Variants in GDAP1 observed in about 807,000 individuals in gnomAD.
GDAP1 encodes the protein ganglioside induced differentiation associated protein 1.
A neutral mutation model predicts 40.1 loss-of-function variants in GDAP1; 34 were observed. The observed-to-expected ratio is 0.85, with a 90% CI of 0.64 to 1.13. The LOEUF (loss-of-function observed/expected upper bound fraction) is 1.13, where lower values mean the gene tolerates loss of function less well. GDAP1 is among the 50% of genes most tolerant of loss of function. The pLI is 0.00. For synonymous variants in GDAP1, 170 were observed against 157.4 expected, an observed-to-expected ratio of 1.08 and a Z score of -0.60; for missense variants, 374 against 433.7, an observed-to-expected ratio of 0.86 and a Z score of 1.22.
At chr8:74,376,493 C>G (rs934527538) in intron 2 of GDAP1, among the ~76,000 whole-genome samples, 1 of 151,892 alleles carries the variant, frequency 6.6e-6, no homozygotes, top group Non-Finnish European at 1.5e-5. Flanking sequence ...GGACTACGGG[C>G]GCCCGCCACC....
chr8:74,405,863 G>A (rs867630435), intron 2 of GDAP1, among the ~76,000 whole-genome samples: 16 of 149,796 alleles, frequency 1.1e-4, no homozygotes, highest in Middle Eastern at 3.4e-3. Flanking sequence ...AGCATTGGAG[G>A]CCAGTCATTA....
chr8:74,373,280 C>T (rs1809787429), intron 2 of GDAP1, among the ~76,000 whole-genome samples: 1 of 152,128 alleles, frequency 6.6e-6, no homozygotes. Context: ...GTAGTTTTTT[C>T]CAATTCTGTG....
At chr8:74,478,846 G>A (rs1315808685) in intron 2 of GDAP1, among the ~76,000 whole-genome samples, 1 of 152,154 alleles carries the variant, frequency 6.6e-6, no homozygotes, top group Admixed American at 6.5e-5. Flanking sequence ...TATGGTGAGA[G>A]CGGTTGCTCT....
intron 2 of GDAP1, among the ~76,000 whole-genome samples, chr8:74,378,408 C>CCA (rs1267712979): frequency 6.6e-6 from 1 of 152,116 alleles, no homozygotes; most frequent in East Asian, 1.9e-4. Context: ...CCAGCCAGTC[C>CCA]CACACACAAG....
At chr8:74,457,635 C>T (rs961501935) in intron 2 of GDAP1, among the ~76,000 whole-genome samples, 3 of 152,058 alleles carry the variant, frequency 2.0e-5, no homozygotes, top group African/African-American at 7.2e-5. Context: ...TAATATTCTG[C>T]TTGTTCAACA....
At chr8:74,434,591 A>G (rs1806066545) in intron 2 of GDAP1, among the ~76,000 whole-genome samples, 1 of 152,188 alleles carries the variant, frequency 6.6e-6, no homozygotes, top group Non-Finnish European at 1.5e-5. Flanking sequence ...ATGAGTTCTC[A>G]TTCTACTTAG....
intron 2 of GDAP1, among the ~76,000 whole-genome samples, chr8:74,438,631 A>T (rs1350922492): frequency 6.6e-6 from 1 of 152,112 alleles, no homozygotes. Context: ...TAGAGATGGG[A>T]TCTCTGTCAC....
intron 2 of GDAP1, among the ~76,000 whole-genome samples, chr8:74,428,900 T>G (rs1805990340): frequency 7.8e-6 from 1 of 128,858 alleles, no homozygotes. Flanking sequence ...GTGTGTGATG[T>G]TCCCCTTCCT....
chr8:74,443,102 A>G (rs1480042086), intron 2 of GDAP1, among the ~76,000 whole-genome samples: 2 of 152,174 alleles, frequency 1.3e-5, no homozygotes, highest in Admixed American at 6.5e-5. Context: ...GTTATTCCCT[A>G]TGTGGACTGA....
At chr8:74,483,787 G>A (rs1474995166) in intron 2 of GDAP1, among the ~76,000 whole-genome samples, 1 of 152,196 alleles carries the variant, frequency 6.6e-6, no homozygotes, top group African/African-American at 2.4e-5. Flanking sequence ...CTTAGGAGAA[G>A]TTGGAGGGCT....
At position 74,374,550 on chromosome 8, in the gene GDAP1, G is replaced by A. The variant is rs373910829; in HGVS notation, c.165+23229G>A. Among the ~76,000 whole-genome samples, 10 of 151,878 alleles carry A rather than the reference G, an allele frequency of 6.6e-5. No individual in the cohort carries two copies. The South Asian group carries it at 8.3e-4, about 13-fold the overall frequency. ...CTATGATACAGAAACAAAAATTAAC[G>A]AAACTCAAAATTCATCCTTGGAAAG... On this transcript the variant is annotated intron_variant, in intron 2 of 2. Coordinates refer to the GDAP1 transcript ENST00000523640.
chr8:74,453,835 C>T lies in GDAP1; in HGVS notation c.166-34843C>T, dbSNP rs1359370370. ...AGCCCCGTGCCCAGTAACAACTTTA[C>T]CCCTGCAGCTCAACTAAGATGTTAA... is the stretch of plus-strand genomic sequence containing the variant. On this transcript the variant is annotated intron_variant, in intron 2 of 2. Transcript: ENST00000523640. 3.7e-5 allele frequency among the ~76,000 whole-genome samples: 3 copies of T among 81,422 alleles called. 1 individual carries two copies. The highest frequency in any genetic ancestry group is 1.6e-4 in the African/African-American group (3 of 18,392). The allele number at this position is 81,422 out of a possible 152,430, so 53.4% of individuals were successfully genotyped here.
At position 74,422,500 on chromosome 8, in the gene GDAP1, C is replaced by CTTCCTTCCTTCT. The variant is rs1347368306; in HGVS notation, c.166-66167_166-66166insTTTCCTTCCTTC. ...TCCCTCCCTCCCTCCTTTCTCCTTCCTTCCTTCCTTCCTTCCTTCCTTCCT... is the reference window on the plus strand; with the variant it reads ...TCCCTCCCTCCCTCCTTTCTCCTTCCTTCCTTCCTTCTTTCCTTCCTTCCTTCCTTCCTTCCT... On this transcript the variant is annotated intron_variant, in intron 2 of 2. Coordinates refer to the GDAP1 transcript ENST00000523640. Among the ~76,000 whole-genome samples the CTTCCTTCCTTCT allele has an allele frequency of 3.1e-4, 9 of 29,426 alleles. No individual in the cohort carries two copies. In the East Asian group the frequency reaches 0.011, roughly 37 times the overall value. 19.3% of individuals were successfully genotyped at this position (29,426 alleles called of 152,430 possible).
Position 74,366,317 on chromosome 8 carries a change from A to AG in GDAP1, c.*1951dup. The AG allele has an allele frequency of 2.2e-6, 1 of 454,454 alleles. No homozygotes were observed. The highest frequency in any genetic ancestry group is 4.4e-6 in the Non-Finnish European group (1 of 226,772). The allele number at this position is 454,454 out of a possible 1,614,324, so 28.2% of individuals were successfully genotyped here. On this transcript the variant is annotated 3_prime_UTR_variant, in exon 6 of 6. Transcript: ENST00000220822. ...CTGTTTATCCAGTAGACTAAGATTG[A>AG]GTGTTCTTTTTGTTCAGCAACTCTT...
At chr8:74,356,875 C>T (rs923763144) in intron 2 of GDAP1, among the ~76,000 whole-genome samples, 4 of 151,550 alleles carry the variant, frequency 2.6e-5, no homozygotes, top group South Asian at 2.1e-4. Flanking sequence ...CCACCACGCC[C>T]GGCTAATTTT....
At chr8:74,458,718 C>T in intron 2 of GDAP1, among the ~76,000 whole-genome samples, 1 of 152,170 alleles carries the variant, frequency 6.6e-6, no homozygotes, top group East Asian at 1.9e-4. Context: ...TCTTATCTAC[C>T]TGGACCCTGT....
rs148424241 is a variant in GDAP1, at chr8:74,449,779, T to C, written c.166-38899T>C. Among the ~76,000 whole-genome samples, 523 of 151,848 alleles carry C rather than the reference T, an allele frequency of 3.4e-3. 1 individual carries two copies. The highest frequency in any genetic ancestry group is 0.012 in the African/African-American group (492 of 41,510). On this transcript the variant is annotated intron_variant, in intron 2 of 2. Transcript: ENST00000523640. ...ATTTTAATTAGTTTGACTTTTTTTGTTTTCTTTCCTTATTGCTTTGTTAAA... is the reference window on the plus strand; with the variant it reads ...ATTTTAATTAGTTTGACTTTTTTTGCTTTCTTTCCTTATTGCTTTGTTAAA...
intron 2 of GDAP1, among the ~76,000 whole-genome samples, chr8:74,421,214 C>G (rs1805853991): frequency 6.6e-6 from 1 of 152,056 alleles, no homozygotes; most frequent in Non-Finnish European, 1.5e-5. Context: ...AAACCTTGCC[C>G]TAAAATGTAG....
chr8:74,400,817 A>T lies in GDAP1; in HGVS notation c.165+49496A>T, dbSNP rs562094982. Among the ~76,000 whole-genome samples, 308 of 149,280 alleles carry T rather than the reference A, an allele frequency of 2.1e-3. 1 individual carries two copies. The highest frequency in any genetic ancestry group is 3.4e-3 in the Non-Finnish European group (231 of 67,974). Reference sequence around the variant, plus strand: ...TATTTCTCCTTCACTTATGAAGCTTAGTTTGGCTGGATATGAAATTCTGGG... The same window carrying T: ...TATTTCTCCTTCACTTATGAAGCTTTGTTTGGCTGGATATGAAATTCTGGG... On this transcript the variant is annotated intron_variant, in intron 2 of 2. Transcript: ENST00000523640.
Sources: gnomAD v4.1 joint callset for allele counts (sites outside exome capture counted in the v4.1 genomes callset) on GRCh38, gnomAD v4.1.1 for gene constraint, MANE v1.5 for transcripts, NCBI Gene and HGNC (gene_info 2026-07-23, HGNC 2026-07-21) for gene names.